ADRA1B: variants seen among roughly 807,000 people sequenced by gnomAD.
The protein encoded by ADRA1B is adrenoceptor alpha 1B.
A neutral mutation model predicts 17.9 loss-of-function variants in ADRA1B; 17 were observed. The observed-to-expected ratio is 0.95, with a 90% CI of 0.65 to 1.42. ADRA1B has a LOEUF of 1.42. ADRA1B is among the 40% of genes most tolerant of loss of function. ADRA1B has a pLI of 0.00. For synonymous variants in ADRA1B, 366 were observed against 327.6 expected (o/e 1.12, Z -1.27); for missense variants, 681 against 722.1 (o/e 0.94, Z 0.65).
At chr5:159,943,136 C>T (rs1403014719) in intron 1 of ADRA1B, among the ~76,000 whole-genome samples, 2 of 151,290 alleles carry the variant, frequency 1.3e-5, no homozygotes, top group Non-Finnish European at 2.9e-5. Context: ...CACTTGAACT[C>T]AAGAGGCGGA....
At chr5:159,986,424 G>A in the ADRA1B span, among the ~76,000 whole-genome samples, 1 of 152,178 alleles carries the variant, frequency 6.6e-6, no homozygotes, top group Non-Finnish European at 1.5e-5. Flanking sequence ...TCACACTCAC[G>A]TGACCTAATT....
At chr5:159,960,126 G>A (rs1224781368) in intron 1 of ADRA1B, among the ~76,000 whole-genome samples, 2 of 152,200 alleles carry the variant, frequency 1.3e-5, no homozygotes, top group East Asian at 1.9e-4. Context: ...GGATCTTAGC[G>A]GGTCTTCTCA....
chr5:159,881,957 A>G (rs1753867807), intron 1 of ADRA1B, among the ~76,000 whole-genome samples: 1 of 152,154 alleles, frequency 6.6e-6, no homozygotes, highest in South Asian at 2.1e-4. Flanking sequence ...GCTTTTGCAG[A>G]AGGACATTGC....
the ADRA1B span, among the ~76,000 whole-genome samples, chr5:159,983,493 G>A: frequency 3.3e-5 from 5 of 152,170 alleles, no homozygotes; most frequent in African/African-American, 4.8e-5. Flanking sequence ...TTCAACACCC[G>A]CTCACCGCGT....
intron 1 of ADRA1B, among the ~76,000 whole-genome samples, chr5:159,953,630 G>A (rs1755493808): frequency 6.6e-6 from 1 of 152,148 alleles, no homozygotes; most frequent in South Asian, 2.1e-4. Flanking sequence ...TCCTTAATCA[G>A]GCTGAGCTGG....
In ADRA1B at chr5:159,917,134, C is replaced by A; in HGVS notation, c.229C>A (p.Arg77=). The A allele has an allele frequency of 6.2e-7, 1 of 1,614,066 alleles. No individual in the cohort carries two copies. Residue 77 remains arginine (R), a synonymous_variant, in exon 1 of 2, where the codon CGG becomes AGG. Transcript: ENST00000306675. The part of the protein sequence containing the change: ...ILSVACNRHL[R]TPTNYFIVNL... ...GTCTGTGGCCTGCAACCGGCACCTGCGGACGCCCACCAACTACTTCATTGT... is the reference window on the plus strand; with the variant it reads ...GTCTGTGGCCTGCAACCGGCACCTGAGGACGCCCACCAACTACTTCATTGT...
chr5:159,959,149 G>T (rs182954057), intron 1 of ADRA1B, among the ~76,000 whole-genome samples: 22 of 152,260 alleles, frequency 1.4e-4, no homozygotes, highest in Admixed American at 7.8e-4. Context: ...CCTAACAATG[G>T]CATTTTATAT....
At chr5:159,884,075 C>G (rs1276392282) in intron 1 of ADRA1B, among the ~76,000 whole-genome samples, 1 of 152,074 alleles carries the variant, frequency 6.6e-6, no homozygotes, top group Non-Finnish European at 1.5e-5. Flanking sequence ...CCACAAGCAG[C>G]CTTTGTTATG....
chr5:159,891,314 A>G (rs1043816216), intron 1 of ADRA1B, among the ~76,000 whole-genome samples: 2 of 152,126 alleles, frequency 1.3e-5, no homozygotes, highest in African/African-American at 2.4e-5. Flanking sequence ...AATAAATAAA[A>G]CTACACTGTA....
At position 159,917,004 on chromosome 5, in the gene ADRA1B, C is replaced by A. The variant is rs755004961; in HGVS notation, c.99C>A (p.Ser33Arg). 5.6e-6 allele frequency: 9 copies of A among 1,614,170 alleles called. No homozygotes were observed. In the South Asian group the frequency reaches 8.8e-5, roughly 16 times the overall value. The change falls in exon 1 of 2, where the codon AGC becomes AGA. Residue 33 changes from serine (S) to arginine (R), a missense_variant. Physicochemically the swap from Ser to Arg is moderately radical, Grantham distance 110. Transcript: ENST00000306675. ...ANFTGPNQTS[S>R]NSTLPQLDIT... Reference sequence around the variant, plus strand: ...TCACTGGCCCCAACCAGACCTCGAGCAACTCCACACTGCCCCAGCTGGACA... The same window carrying A: ...TCACTGGCCCCAACCAGACCTCGAGAAACTCCACACTGCCCCAGCTGGACA...
At chr5:159,886,787 T>C (rs76560913) in intron 1 of ADRA1B, among the ~76,000 whole-genome samples, 2,575 of 152,254 alleles carry the variant, frequency 0.017, 63 homozygotes, top group African/African-American at 0.059. Flanking sequence ...GATCTGACTC[T>C]CAGTTCAGTT....
rs563647609 is a variant in ADRA1B at position 159,894,950 on chromosome 5, C to T, written c.-255-21169C>T. On this transcript the variant is annotated intron_variant, in intron 1 of 2. Transcript: ENST00000641205. The stretch of plus-strand genomic sequence containing the variant: ...TGATTTTGCCATGTTCACATACCTC[C>T]GCTAGTTCTTAAGTTTCTCCTTTAA... Among the ~76,000 whole-genome samples, 66 of 152,258 alleles carry T rather than the reference C, an allele frequency of 4.3e-4. No individual in the cohort carries two copies. In the South Asian group the frequency reaches 4.6e-3, roughly 11 times the overall value.
At chr5:159,938,618 A>G (rs188772680) in intron 1 of ADRA1B, among the ~76,000 whole-genome samples, 1 of 152,400 alleles carries the variant, frequency 6.6e-6, no homozygotes, top group East Asian at 1.9e-4. Flanking sequence ...ATGCAAAAAA[A>G]GAAGTGAAAT....
chr5:159,962,116 T>C (rs1453287341), intron 1 of ADRA1B, among the ~76,000 whole-genome samples: 1 of 152,168 alleles, frequency 6.6e-6, no homozygotes, highest in Non-Finnish European at 1.5e-5. Context: ...GAGAATCACT[T>C]GAACCTGGGA....
the ADRA1B span, among the ~76,000 whole-genome samples, chr5:159,989,135 A>C: frequency 6.6e-6 from 1 of 152,112 alleles, no homozygotes; most frequent in East Asian, 1.9e-4. Flanking sequence ...CCTCTTCACC[A>C]ACTTTGTTAT....
At chr5:159,944,718 T>TG (rs1254249398) in intron 1 of ADRA1B, among the ~76,000 whole-genome samples, 1 of 146,348 alleles carries the variant, frequency 6.8e-6, no homozygotes, top group African/African-American at 2.6e-5. Context: ...AGATGGGGGG[T>TG]TGGGGGAGAA....
intron 1 of ADRA1B, among the ~76,000 whole-genome samples, chr5:159,926,585 T>C (rs1283851893): frequency 6.6e-6 from 1 of 152,102 alleles, no homozygotes; most frequent in African/African-American, 2.4e-5. Context: ...GCTCTGCCCA[T>C]TTTATAAATA....
intron 1 of ADRA1B, among the ~76,000 whole-genome samples, chr5:159,945,896 C>T (rs184962585): frequency 0.014 from 2,088 of 151,976 alleles, 48 homozygotes; most frequent in African/African-American, 0.048. Context: ...TACAGGCGCC[C>T]GCCACCATGC....
At chr5:159,891,912 A>C (rs1471895483) in intron 1 of ADRA1B, among the ~76,000 whole-genome samples, 1 of 152,164 alleles carries the variant, frequency 6.6e-6, no homozygotes, top group African/African-American at 2.4e-5. Context: ...TCAATGCTGA[A>C]ATTTGAAAGG....
Sources: allele counts gnomAD v4.1 joint callset (sites outside exome capture counted in the v4.1 genomes callset), GRCh38; gene constraint gnomAD v4.1.1; transcripts MANE v1.5; gene names NCBI Gene and HGNC (gene_info 2026-07-23, HGNC 2026-07-21).